The following STAG1 variants were observed in gnomAD, a reference collection of about 807,000 sequenced individuals.
STAG1 encodes cohesin subunit SA-1.
Under a neutral mutation model 170.9 loss-of-function variants are expected in STAG1, and 26 were observed. That is an observed-to-expected ratio of 0.15 (90% CI 0.11 to 0.21). The LOEUF (loss-of-function observed/expected upper bound fraction) is 0.21, where lower values mean the gene tolerates loss of function less well. STAG1 is among the 10% of genes least tolerant of loss of function. The pLI, the probability that STAG1 is intolerant of heterozygous loss-of-function variation, is 1.00. For missense variants in STAG1, 964 were observed against 1,509.5 expected, an observed-to-expected ratio of 0.64 and a Z score of 5.99; for synonymous variants, 514 against 497.7, an observed-to-expected ratio of 1.03 and a Z score of -0.44.
chr3:136,592,525 AT>A lies in STAG1; in HGVS notation c.297+11783del, dbSNP rs531217976. The stretch of plus-strand genomic sequence containing the variant: ...CAGTCTCAGGTATTTCCTGATAGCC[AT>A]GTGAGAACAAACTAATACACTTGCC... On this transcript the variant is annotated intron_variant, in intron 4 of 33. Coordinates refer to ENST00000383202, the MANE Select transcript of STAG1 (RefSeq NM_005862.3). 1.1e-3 allele frequency among the ~76,000 whole-genome samples: 166 copies of A among 152,310 alleles called. 2 individuals carry two copies. Among genetic ancestry groups the A allele is most frequent in the Non-Finnish European group, 8.8e-4 (60 of 68,032 alleles).
intron 12 of STAG1, among the ~76,000 whole-genome samples, chr3:136,470,848 C>G (rs1445945941): frequency 3.3e-5 from 5 of 152,016 alleles, no homozygotes; most frequent in Non-Finnish European, 7.4e-5. Flanking sequence ...ATGGATGAAG[C>G]TGGAAACCAT....
chr3:136,669,100 T>C (rs1941903532), intron 1 of STAG1, among the ~76,000 whole-genome samples: 1 of 152,198 alleles, frequency 6.6e-6, no homozygotes, highest in Non-Finnish European at 1.5e-5. Flanking sequence ...ACTCCATTTC[T>C]CTGTAAGATC....
At chr3:136,414,711 C>T (rs774446523) in intron 21 of STAG1, among the ~76,000 whole-genome samples, 5 of 152,186 alleles carry the variant, frequency 3.3e-5, no homozygotes. Flanking sequence ...TCAACAGAGT[C>T]ACTTTCTATG....
chr3:136,368,326 CATT>C (rs1249822305), intron 24 of STAG1, among the ~76,000 whole-genome samples: 2 of 152,128 alleles, frequency 1.3e-5, no homozygotes, highest in Non-Finnish European at 1.5e-5. Context: ...TACAACTAAT[CATT>C]AACAATTCAG....
intron 13 of STAG1, among the ~76,000 whole-genome samples, chr3:136,463,866 T>TATAC (rs536625024): frequency 6.1e-5 from 9 of 146,606 alleles, no homozygotes; most frequent in African/African-American, 1.7e-4. Flanking sequence ...TATATTTATA[T>TATAC]ATACATACAT....
chr3:136,362,956 CCA>C (rs1936931833), intron 26 of STAG1, among the ~76,000 whole-genome samples: 1 of 151,956 alleles, frequency 6.6e-6, no homozygotes, highest in African/African-American at 2.4e-5. Context: ...ATATATATAT[CCA>C]CTAGGCCCCC....
chr3:136,689,094 T>C (rs1705579554), intron 1 of STAG1, among the ~76,000 whole-genome samples: 1 of 152,258 alleles, frequency 6.6e-6, no homozygotes, highest in African/African-American at 2.4e-5. Flanking sequence ...CAAAACACTA[T>C]GAACTTCAAG....
intron 1 of STAG1, among the ~76,000 whole-genome samples, chr3:136,673,449 A>C (rs750033106): frequency 6.6e-6 from 1 of 152,210 alleles, no homozygotes; most frequent in Non-Finnish European, 1.5e-5. Context: ...ATAACTAGAA[A>C]ACATGAATGG....
At chr3:136,563,518 A>G (rs1451922515) in intron 5 of STAG1, among the ~76,000 whole-genome samples, 1 of 151,566 alleles carries the variant, frequency 6.6e-6, no homozygotes, top group Non-Finnish European at 1.5e-5. Context: ...CGACACACAC[A>G]CACGCACGCA....
chr3:136,417,923 A>G lies in STAG1; in HGVS notation c.2158T>C (p.Leu720=). The change falls in exon 21 of 34, where the codon TTG becomes CTG. Residue 720 remains leucine, a synonymous_variant. Transcript: ENST00000383202. ...WDLFGNCYRL[L]KTGIEHGAMP... ...GCTCCATGTTCAATTCCAGTCTTCA[A>G]TAATCTGTAGCAATTACCAAAGAGA... 6.2e-7 allele frequency: 1 copy of G among 1,614,100 alleles called. No individual in the cohort carries two copies. Among genetic ancestry groups the G allele is most frequent in the Non-Finnish European group, 8.5e-7 (1 of 1,179,948 alleles).
At chr3:136,383,345 A>G (rs1280111308) in intron 22 of STAG1, among the ~76,000 whole-genome samples, 2 of 152,242 alleles carry the variant, frequency 1.3e-5, no homozygotes, top group Non-Finnish European at 2.9e-5. Context: ...TGCTCTAAAT[A>G]GGTGAAAATT....
intron 21 of STAG1, among the ~76,000 whole-genome samples, chr3:136,402,003 C>T (rs191208717): frequency 2.0e-5 from 3 of 152,172 alleles, no homozygotes; most frequent in Non-Finnish European, 4.4e-5. Flanking sequence ...CTCGACCTCC[C>T]AAAGTGCTGG....
intron 15 of STAG1, among the ~76,000 whole-genome samples, chr3:136,434,197 TAC>T (rs1202441744): frequency 6.6e-6 from 1 of 152,146 alleles, no homozygotes; most frequent in Non-Finnish European, 1.5e-5. Flanking sequence ...ATGTAACTGA[TAC>T]ATTTATTTCT....
At chr3:136,640,757 G>C (rs1576702721) in intron 1 of STAG1, among the ~76,000 whole-genome samples, 1 of 135,826 alleles carries the variant, frequency 7.4e-6, no homozygotes. Context: ...GCTGCAACCT[G>C]TGCCTCCCGG....
At chr3:136,567,395 C>T (rs923372361) in intron 5 of STAG1, among the ~76,000 whole-genome samples, 1 of 152,210 alleles carries the variant, frequency 6.6e-6, no homozygotes, top group African/African-American at 2.4e-5. Flanking sequence ...CTCTACGTCC[C>T]GGACTGAACC....
intron 5 of STAG1, among the ~76,000 whole-genome samples, chr3:136,563,560 T>A (rs1936928477): frequency 6.6e-6 from 1 of 151,716 alleles, no homozygotes; most frequent in Admixed American, 6.6e-5. Context: ...TCTCTCGCTC[T>A]TTAGGTAACC....
chr3:136,646,052 C>T (rs1940998993), intron 1 of STAG1, among the ~76,000 whole-genome samples: 1 of 152,202 alleles, frequency 6.6e-6, no homozygotes, highest in African/African-American at 2.4e-5. Flanking sequence ...CCAACATTCA[C>T]AGCTTTCTCA....
intron 15 of STAG1, among the ~76,000 whole-genome samples, chr3:136,440,711 G>A (rs974792046): frequency 4.6e-5 from 7 of 151,928 alleles, no homozygotes; most frequent in African/African-American, 7.3e-5. Flanking sequence ...TGTGTAAGCC[G>A]GGGAGTGGTG....
At chr3:136,425,810 A>G in intron 16 of STAG1, among the ~76,000 whole-genome samples, 1 of 150,976 alleles carries the variant, frequency 6.6e-6, no homozygotes, top group East Asian at 1.9e-4. Context: ...AAAATAAGAT[A>G]TGTGAAAAGG....
Sources: gnomAD v4.1 joint callset for allele counts (sites outside exome capture counted in the v4.1 genomes callset) on GRCh38, gnomAD v4.1.1 for gene constraint, MANE v1.5 for transcripts, NCBI Gene and HGNC (gene_info 2026-07-23, HGNC 2026-07-21) for gene names.